Variants in HS3ST4 observed in about 807,000 individuals in gnomAD.
HS3ST4 encodes the protein heparan sulfate-glucosamine 3-sulfotransferase 4, also known as heparan sulfate glucosamine 3-O-sulfotransferase 4.
HS3ST4 carries 17 observed loss-of-function variants against 29.2 expected under a neutral mutation model. The observed-to-expected ratio is 0.58, with a 90% confidence interval of 0.40 to 0.87. HS3ST4 has a LOEUF of 0.87. HS3ST4 is among the 40% of genes least tolerant of loss of function. The pLI, the probability that HS3ST4 is intolerant of heterozygous loss-of-function variation, is 0.00. For missense variants in HS3ST4, 627 were observed against 634.5 expected (o/e 0.99, Z 0.13); for synonymous variants, 314 against 285.7 (o/e 1.10, Z -1.00).
intron 1 of HS3ST4, among the ~76,000 whole-genome samples, chr16:26,019,982 C>G (rs1274516385): frequency 2.6e-5 from 4 of 152,212 alleles, no homozygotes; most frequent in Non-Finnish European, 5.9e-5. Context: ...TAATGTCCAT[C>G]TTGAAAACTG....
At chr16:26,049,329 CCGGAGGTCTA>C (rs1475580041) in intron 1 of HS3ST4, among the ~76,000 whole-genome samples, 3 of 86,316 alleles carry the variant, frequency 3.5e-5, no homozygotes, top group Admixed American at 2.1e-4. Context: ...GCTGGGAAGT[CCGGAGGTCTA>C]CATCCGGAGG....
chr16:25,857,893 T>TC (rs200374148), intron 1 of HS3ST4, among the ~76,000 whole-genome samples: 1 of 53,960 alleles, frequency 1.9e-5, no homozygotes, highest in African/African-American at 9.1e-5. Context: ...TTTCTTTCTT[T>TC]TTCTTTCTTC....
In HS3ST4 at chr16:25,693,159, C is replaced by T; in HGVS notation, c.734+8C>T. On this transcript the variant is annotated splice_region_variant and intron_variant, in intron 1 of 1. Transcript: ENST00000331351. ...GGGGTTGGAGTGGTACAGGTAGGAC[C>T]CTGGGCTCCGCGGGCTGGTGGAGAC... 2.6e-6 allele frequency: 4 copies of T among 1,564,764 alleles called. No homozygotes were observed. The highest frequency in any genetic ancestry group is 1.4e-5 in the African/African-American group (1 of 72,230).
chr16:25,732,227 C>G (rs1966574370), intron 1 of HS3ST4, among the ~76,000 whole-genome samples: 1 of 152,192 alleles, frequency 6.6e-6, no homozygotes, highest in South Asian at 2.1e-4. Flanking sequence ...CTGCCCACCC[C>G]TACCCCCCAA....
rs534186377 is a variant in HS3ST4, at chr16:25,863,889, A to G, written c.734+170738A>G. Among the ~76,000 whole-genome samples, 3 of 152,386 alleles carry G rather than the reference A, an allele frequency of 2.0e-5. No individual in the cohort carries two copies. In the South Asian group the frequency reaches 6.2e-4, roughly 32 times the overall value. On this transcript the variant is annotated intron_variant, in intron 1 of 1. Transcript: ENST00000331351. Reference sequence around the variant, plus strand: ...TATCACAGACTGGATGGTTTAAACAAAAGAAATTAATGTTCTTACATTTCT... The same window carrying G: ...TATCACAGACTGGATGGTTTAAACAGAAGAAATTAATGTTCTTACATTTCT...
At chr16:25,827,384 C>T (rs867797114) in intron 1 of HS3ST4, among the ~76,000 whole-genome samples, 54 of 152,224 alleles carry the variant, frequency 3.5e-4, no homozygotes, top group Admixed American at 2.4e-3. Context: ...GTCTATGACC[C>T]AGGCAGATGT....
intron 1 of HS3ST4, among the ~76,000 whole-genome samples, chr16:25,775,184 C>A (rs997257850): frequency 6.6e-6 from 1 of 152,120 alleles, no homozygotes; most frequent in Non-Finnish European, 1.5e-5. Flanking sequence ...TTTGATGTGT[C>A]GGAGGATGGT....
At chr16:25,945,583 A>G (rs13331813) in intron 1 of HS3ST4, among the ~76,000 whole-genome samples, 21,349 of 152,228 alleles carry the variant, frequency 0.14, 1,792 homozygotes, top group African/African-American at 0.23. Flanking sequence ...TTCTCAAAGC[A>G]GTCAGTACAG....
intron 1 of HS3ST4, among the ~76,000 whole-genome samples, chr16:25,901,110 C>G (rs552829158): frequency 6.6e-6 from 1 of 152,254 alleles, no homozygotes; most frequent in South Asian, 2.1e-4. Flanking sequence ...TGGAATCCTC[C>G]TTAGCTAGTA....
At chr16:25,828,242 C>CTTTT (rs1371928058) in intron 1 of HS3ST4, among the ~76,000 whole-genome samples, 5,172 of 75,044 alleles carry the variant, frequency 0.069, 723 homozygotes, top group Middle Eastern at 0.11. Context: ...TTCTTTCTTT[C>CTTTT]TCTTTCTTTC....
chr16:25,707,872 C>T (rs1473169644), intron 1 of HS3ST4, among the ~76,000 whole-genome samples: 5 of 152,200 alleles, frequency 3.3e-5, no homozygotes, highest in Admixed American at 2.6e-4. Flanking sequence ...GGTCTCTGCT[C>T]AATCATCTTA....
intron 1 of HS3ST4, among the ~76,000 whole-genome samples, chr16:25,857,537 C>T (rs909237983): frequency 2.0e-5 from 3 of 152,042 alleles, no homozygotes; most frequent in African/African-American, 4.8e-5. Flanking sequence ...CTAAGTGAGA[C>T]GAGGCTGTAG....
At chr16:25,996,144 A>G (rs1969157345) in intron 1 of HS3ST4, among the ~76,000 whole-genome samples, 1 of 152,180 alleles carries the variant, frequency 6.6e-6, no homozygotes, top group Non-Finnish European at 1.5e-5. Context: ...GGACCAAAGC[A>G]CCTTCTAATT....
rs180687950 is a variant in HS3ST4 at position 25,748,065 on chromosome 16, A to T, written c.734+54914A>T. ...AGGGAGGAATGGCTACTTTCTCACT[A>T]ATTTTATTTATAATTATACTTCCCT... On this transcript the variant is annotated intron_variant, in intron 1 of 1. Transcript: ENST00000331351. Among the ~76,000 whole-genome samples the T allele has an allele frequency of 2.3e-3, 357 of 152,148 alleles. 2 individuals carry two copies. Among genetic ancestry groups the T allele is most frequent in the African/African-American group, 8.1e-3 (338 of 41,506 alleles).
intron 1 of HS3ST4, among the ~76,000 whole-genome samples, chr16:25,816,817 C>T (rs920561242): frequency 6.6e-6 from 1 of 152,116 alleles, no homozygotes; most frequent in African/African-American, 2.4e-5. Context: ...CCCCAGAGTC[C>T]CAAGAGGTGA....
At chr16:25,880,882 T>C (rs1053053931) in intron 1 of HS3ST4, among the ~76,000 whole-genome samples, 2 of 152,164 alleles carry the variant, frequency 1.3e-5, no homozygotes, top group Non-Finnish European at 2.9e-5. Context: ...TTTATAGACT[T>C]TGGGGTAGTT....
intron 1 of HS3ST4, among the ~76,000 whole-genome samples, chr16:25,982,006 A>T (rs1042396154): frequency 3.2e-4 from 48 of 149,864 alleles, no homozygotes; most frequent in African/African-American, 1.1e-3. Context: ...GTGCAGCAGC[A>T]TGTGTGTGTA....
intron 1 of HS3ST4, among the ~76,000 whole-genome samples, chr16:26,035,543 A>G (rs1254603159): frequency 6.6e-6 from 1 of 152,238 alleles, no homozygotes; most frequent in Non-Finnish European, 1.5e-5. Flanking sequence ...GCACAAACTT[A>G]GGAATCTTTT....
intron 1 of HS3ST4, among the ~76,000 whole-genome samples, chr16:25,812,216 A>G (rs1442826707): frequency 6.6e-6 from 1 of 152,198 alleles, no homozygotes; most frequent in Non-Finnish European, 1.5e-5. Flanking sequence ...TTGAGAAGCT[A>G]AGTCTACGGG....
Sources: gnomAD v4.1 joint callset for allele counts (sites outside exome capture counted in the v4.1 genomes callset) on GRCh38, gnomAD v4.1.1 for gene constraint, MANE v1.5 for transcripts, NCBI Gene and HGNC (gene_info 2026-07-23, HGNC 2026-07-21) for gene names.